PTDSS1: variants seen among roughly 807,000 people sequenced by gnomAD.
PTDSS1 encodes PSS-1.
Under a neutral mutation model 70.5 loss-of-function variants are expected in PTDSS1, and 45 were observed. The ratio of observed to expected loss-of-function variants is 0.64; its 90% CI spans 0.50 to 0.82. PTDSS1 has a LOEUF of 0.82. PTDSS1 is among the 40% of genes least tolerant of loss of function. The pLI is 0.00. For synonymous variants in PTDSS1, 188 were observed against 203.8 expected (o/e 0.92, Z 0.66); for missense variants, 417 against 586.1 (o/e 0.71, Z 2.98).
chr8:96,320,701 A>G (rs1057317128), intron 10 of PTDSS1, among the ~76,000 whole-genome samples: 33 of 152,234 alleles, frequency 2.2e-4, no homozygotes, highest in African/African-American at 7.7e-4. Flanking sequence ...ATCATGCCGC[A>G]TACATCTTAA....
chr8:96,312,093 G>A (rs778548995), intron 9 of PTDSS1, among the ~76,000 whole-genome samples: 21 of 152,226 alleles, frequency 1.4e-4, no homozygotes, highest in East Asian at 1.9e-4. Context: ...GAGAGAGGTC[G>A]CATCATGACA....
chr8:96,322,519 C>T (rs1388395916), intron 10 of PTDSS1, among the ~76,000 whole-genome samples: 1 of 152,128 alleles, frequency 6.6e-6, no homozygotes, highest in African/African-American at 2.4e-5. Flanking sequence ...AACAATCCCA[C>T]TCCTGCAATA....
intron 1 of PTDSS1, among the ~76,000 whole-genome samples, chr8:96,270,561 C>T (rs182523473): frequency 2.6e-4 from 40 of 152,290 alleles, no homozygotes; most frequent in Non-Finnish European, 4.9e-4. Flanking sequence ...GACACCCTCT[C>T]TGCTCTCGAA....
chr8:96,331,133 G>T, intron 12 of PTDSS1, 38 bp downstream of exon 12: 1 of 1,541,596 alleles, frequency 6.5e-7, no homozygotes, highest in Non-Finnish European at 9.0e-7. Context: ...ATTTTACTGG[G>T]TCCTTGAGAT....
At chr8:96,275,577 G>A (rs756895111) in intron 2 of PTDSS1, among the ~76,000 whole-genome samples, 19 of 152,272 alleles carry the variant, frequency 1.2e-4, no homozygotes, top group Admixed American at 6.5e-4. Context: ...CAAGAGTGCC[G>A]TATTGTATAT....
chr8:96,276,559 C>G (rs900538667), intron 2 of PTDSS1, among the ~76,000 whole-genome samples: 2 of 152,154 alleles, frequency 1.3e-5, no homozygotes, highest in Non-Finnish European at 2.9e-5. Context: ...AAGGCTGAAA[C>G]GTGCCACCAT....
At chr8:96,319,927 T>C (rs1033707081) in intron 9 of PTDSS1, among the ~76,000 whole-genome samples, 5 of 151,974 alleles carry the variant, frequency 3.3e-5, no homozygotes, top group East Asian at 1.9e-4. Context: ...CCTGAGAGGG[T>C]TCCAGCAGAG....
chr8:96,329,941 C>T (rs1403250038), intron 10 of PTDSS1, among the ~76,000 whole-genome samples: 4 of 152,180 alleles, frequency 2.6e-5, no homozygotes, highest in Non-Finnish European at 5.9e-5. Flanking sequence ...GAAAATGCAT[C>T]CCACCATATT....
Position 96,262,307 on chromosome 8 carries a change from C to A in PTDSS1, c.179+88C>A. The stretch of plus-strand genomic sequence containing the variant: ...TGGCGGGGAGGGGGGCCCGGCATGG[C>A]TCTGGGTGAGGAAGTGGGCTGGCTG... On this transcript the variant is annotated intron_variant, in intron 1 of 12. Coordinates refer to ENST00000517309, the MANE Select transcript of PTDSS1 (RefSeq NM_014754.3). The surrounding 1 kb of genome is among the most constrained non-coding windows in gnomAD (Gnocchi z 4.4). The A allele has an allele frequency of 6.9e-7, 1 of 1,454,634 alleles. No homozygotes were observed. The allele number at this position is 1,454,634 out of a possible 1,614,324, so 90.1% of individuals were successfully genotyped here.
At chr8:96,328,365 T>C (rs1811467815) in intron 10 of PTDSS1, among the ~76,000 whole-genome samples, 1 of 152,202 alleles carries the variant, frequency 6.6e-6, no homozygotes, top group Non-Finnish European at 1.5e-5. Context: ...TCCCACTCTT[T>C]CCATGCCATG....
intron 9 of PTDSS1, among the ~76,000 whole-genome samples, chr8:96,311,236 A>T (rs1163162279): frequency 2.6e-5 from 4 of 152,212 alleles, no homozygotes; most frequent in African/African-American, 9.6e-5. Flanking sequence ...GAAATTCCAG[A>T]GACATCCAGC....
intron 9 of PTDSS1, among the ~76,000 whole-genome samples, chr8:96,312,799 C>T (rs1385229126): frequency 2.0e-5 from 3 of 152,182 alleles, no homozygotes; most frequent in Non-Finnish European, 4.4e-5. Flanking sequence ...GAAACAGGAG[C>T]CACAGCCTCC....
At chr8:96,315,694 G>A (rs1274298507) in intron 9 of PTDSS1, among the ~76,000 whole-genome samples, 3 of 152,158 alleles carry the variant, frequency 2.0e-5, no homozygotes, top group Admixed American at 6.5e-5. Flanking sequence ...GCTCCCAGCA[G>A]AAGCACCTCA....
intron 9 of PTDSS1, among the ~76,000 whole-genome samples, chr8:96,313,583 G>T (rs1251801390): frequency 6.6e-6 from 1 of 152,176 alleles, no homozygotes; most frequent in African/African-American, 2.4e-5. Context: ...GCCAAGCGTC[G>T]GCTGAACAGC....
chr8:96,262,261 G>C lies in PTDSS1; in HGVS notation c.179+42G>C. On this transcript the variant is annotated intron_variant, in intron 1 of 12. Coordinates refer to ENST00000517309, the MANE Select transcript of PTDSS1 (RefSeq NM_014754.3). The surrounding 1 kb of genome is among the most constrained non-coding windows in gnomAD (Gnocchi z 4.4). ...GAGCGGGGGGCGCGTCCAAGGGCTAGGGAAGAGGCGGGAGGGAGGGTGGCG... is the reference window on the plus strand; with the variant it reads ...GAGCGGGGGGCGCGTCCAAGGGCTACGGAAGAGGCGGGAGGGAGGGTGGCG... The C allele has an allele frequency of 6.4e-7, 1 of 1,572,952 alleles. No homozygotes were observed. The highest frequency in any genetic ancestry group is 8.7e-7 in the Non-Finnish European group (1 of 1,150,272).
Position 96,299,744 on chromosome 8 carries a change from A to T in PTDSS1, c.651A>T (p.Gln217His). 6.2e-7 allele frequency: 1 copy of T among 1,614,064 alleles called. No homozygotes were observed. Among genetic ancestry groups the T allele is most frequent in the Non-Finnish European group, 8.5e-7 (1 of 1,180,020 alleles). Residue 217 changes from glutamine (Q) to histidine (H), a missense_variant, in exon 6 of 13, where the codon CAA becomes CAT. Gln to His is a conservative substitution (Grantham distance 24). Coordinates refer to ENST00000517309, the MANE Select transcript of PTDSS1 (RefSeq NM_014754.3). ...ATTTTGCCGAGTGCTGGTGGGATCA[A>T]GTCATTCTGGACATCCTGTTGTGCA... is the stretch of plus-strand genomic sequence containing the variant. ...LPNFAECWWD[Q>H]VILDILLCNG... is the part of the protein sequence containing the mutation.
At chr8:96,295,023 T>C (rs2130078212) in intron 4 of PTDSS1, 75 bp from the exon 5 acceptor site, 1 of 1,401,662 alleles carries the variant, frequency 7.1e-7, no homozygotes, top group Non-Finnish European at 9.7e-7. Context: ...CTATTCTTTT[T>C]ATTTACCGGC....
chr8:96,267,394 C>T (rs1015915807), intron 1 of PTDSS1, among the ~76,000 whole-genome samples: 2 of 152,148 alleles, frequency 1.3e-5, no homozygotes, highest in African/African-American at 4.8e-5. Flanking sequence ...GTTCTCTTTC[C>T]GTTCCCAAGC....
chr8:96,310,071 G>A (rs993377547), intron 9 of PTDSS1, among the ~76,000 whole-genome samples: 10 of 151,974 alleles, frequency 6.6e-5, no homozygotes, highest in African/African-American at 2.4e-4. Flanking sequence ...TGAGGTTTCA[G>A]TGAGCCAAAG....
Sources: allele counts gnomAD v4.1 joint callset (sites outside exome capture counted in the v4.1 genomes callset), GRCh38; gene constraint gnomAD v4.1.1; non-coding constraint Gnocchi (gnomAD v3.1); transcripts MANE v1.5; gene names NCBI Gene and HGNC (gene_info 2026-07-23, HGNC 2026-07-21).